CLSTN1: variants seen among roughly 807,000 people sequenced by gnomAD.
CLSTN1 encodes calsyntenin 1.
CLSTN1 carries 28 observed loss-of-function variants against 108.3 expected under a neutral mutation model. That is an observed-to-expected ratio of 0.26 (90% confidence interval 0.19 to 0.35). The LOEUF (loss-of-function observed/expected upper bound fraction) is 0.35, where lower values mean the gene tolerates loss of function less well. Ranked by LOEUF, CLSTN1 falls within the 10% of genes least tolerant of loss-of-function variation. The probability of loss-of-function intolerance (pLI) is 1.00; values close to 1 mark genes in which losing one functional copy is unlikely to be tolerated. For synonymous variants in CLSTN1, 524 were observed against 534.9 expected, an observed-to-expected ratio of 0.98 and a Z score of 0.28; for missense variants, 1,157 against 1,302.6, an observed-to-expected ratio of 0.89 and a Z score of 1.72.
In CLSTN1 at chr1:9,744,823, G is replaced by A. The variant is rs556079724; in HGVS notation, c.986-180C>T. 5.3e-5 allele frequency among the ~76,000 whole-genome samples: 8 copies of A among 151,998 alleles called. 1 individual carries two copies. The highest frequency in any genetic ancestry group is 4.8e-5 in the African/African-American group (2 of 41,464). On this transcript the variant is annotated intron_variant, in intron 7 of 18. Transcript: ENST00000377298. ...GGCTGGAGTACAGTGGCGCGATCTC[G>A]GTTCATTGCAACCTCCACCTCCCGG... is the stretch of plus-strand genomic sequence containing the variant.
At position 9,730,713 on chromosome 1, in the gene CLSTN1, G is replaced by A. The variant is rs768858132; in HGVS notation, c.2749-8C>T. ...GTGCTGGTCCTCATAGGTCTGGCAA[G>A]GAGAAGTGACGGCCACATGAGTCCG... On this transcript the variant is annotated splice_polypyrimidine_tract_variant and splice_region_variant and intron_variant, in intron 18 of 18. Transcript: ENST00000377298. The surrounding 1 kb of genome is among the most constrained non-coding windows in gnomAD (Gnocchi z 5.6). 1.3e-6 allele frequency: 2 copies of A among 1,591,882 alleles called. No homozygotes were observed. The highest frequency in any genetic ancestry group is 1.7e-6 in the Non-Finnish European group (2 of 1,172,120).
chr1:9,730,442 G>C lies in CLSTN1; in HGVS notation c.*66C>G. 3 of 1,458,810 alleles carry C rather than the reference G, an allele frequency of 2.1e-6. No individual in the cohort carries two copies. Among genetic ancestry groups the C allele is most frequent in the Non-Finnish European group, 2.8e-6 (3 of 1,054,078 alleles). The allele number at this position is 1,458,810 out of a possible 1,614,324, so 90.4% of individuals were successfully genotyped here. On this transcript the variant is annotated 3_prime_UTR_variant, in exon 19 of 19. Coordinates refer to ENST00000377298, the MANE Select transcript of CLSTN1 (RefSeq NM_001009566.3). This position sits in a 1 kb window ranked among gnomAD's most constrained non-coding sequence, Gnocchi z 5.6. ...ATGACTTTGTACATCGTGGACCCTTGGGACTGGGAGAACGGATGGCAGCAG... is the reference window on the plus strand; with the variant it reads ...ATGACTTTGTACATCGTGGACCCTTCGGACTGGGAGAACGGATGGCAGCAG...
At chr1:9,740,798 T>C (rs1183631113) in intron 10 of CLSTN1, among the ~76,000 whole-genome samples, 1 of 152,184 alleles carries the variant, frequency 6.6e-6, no homozygotes, top group African/African-American at 2.4e-5. Context: ...GATTAATTTA[T>C]AAAACAGTTC....
At position 9,754,985 on chromosome 1, in the gene CLSTN1, C is replaced by CAAGT. The variant is rs573371921; in HGVS notation, c.440+128_440+129insACTT. ...CAAGTGTTTACAATCTAATTGTAGA[C>CAAGT]ACTTGAGAACTATCTTCTGCCTATT... On this transcript the variant is annotated intron_variant, in intron 4 of 18. Coordinates refer to ENST00000377298, the MANE Select transcript of CLSTN1 (RefSeq NM_001009566.3). The CAAGT allele has an allele frequency of 7.5e-6, 5 of 670,098 alleles. No individual in the cohort carries two copies. The South Asian group carries it at 1.0e-4, about 14-fold the overall frequency. The allele number at this position is 670,098 out of a possible 1,614,324, so 41.5% of individuals were successfully genotyped here. A position where few individuals can be genotyped will look rare whatever the true frequency, so the allele number is the denominator to read the frequency against.
intron 1 of CLSTN1, among the ~76,000 whole-genome samples, chr1:9,811,707 C>G (rs1654761290): frequency 7.0e-6 from 1 of 142,888 alleles, no homozygotes; most frequent in Admixed American, 7.2e-5. Flanking sequence ...ACTTAGTACT[C>G]TGACAAATGC....
rs141671250 is a variant in CLSTN1, at chr1:9,749,346, A to G, written c.985+115T>C. 17 of 1,068,426 alleles carry G rather than the reference A, an allele frequency of 1.6e-5. 1 individual carries two copies. The African/African-American group carries it at 2.5e-4, about 16-fold the overall frequency. 66.2% of individuals were successfully genotyped at this position (1,068,426 alleles called of 1,614,324 possible). On this transcript the variant is annotated intron_variant, in intron 7 of 18. Transcript: ENST00000377298. ...AGCAAAGTTCACTTCAGAAATGCAG[A>G]TTCTCTGTCACAGTTTATAATTATG...
At chr1:9,777,246 G>T (rs886245516) in intron 1 of CLSTN1, among the ~76,000 whole-genome samples, 2 of 135,276 alleles carry the variant, frequency 1.5e-5, no homozygotes, top group African/African-American at 5.7e-5. Context: ...AAGCCTGGGA[G>T]TGGTGGCTCA....
intron 5 of CLSTN1, among the ~76,000 whole-genome samples, chr1:9,751,247 G>T (rs1292881206): frequency 1.3e-5 from 2 of 152,136 alleles, no homozygotes; most frequent in African/African-American, 2.4e-5. Flanking sequence ...AAAAAGAGGT[G>T]AGCCCCACAA....
chr1:9,730,455 C>T lies in CLSTN1; in HGVS notation c.*53G>A, dbSNP rs1002842741. 41 of 1,530,146 alleles carry T rather than the reference C, an allele frequency of 2.7e-5. No homozygotes were observed. Among genetic ancestry groups the T allele is most frequent in the South Asian group, 1.9e-4 (17 of 89,590 alleles). 94.8% of individuals were successfully genotyped at this position (1,530,146 alleles called of 1,614,324 possible). ...TCGTGGACCCTTGGGACTGGGAGAA[C>T]GGATGGCAGCAGAGTCTTCGAAAGC... On this transcript the variant is annotated 3_prime_UTR_variant, in exon 19 of 19. Transcript: ENST00000377298. This position sits in a 1 kb window ranked among gnomAD's most constrained non-coding sequence, Gnocchi z 5.6.
intron 7 of CLSTN1, among the ~76,000 whole-genome samples, chr1:9,748,934 T>C (rs577272087): frequency 6.6e-6 from 1 of 152,248 alleles, no homozygotes; most frequent in African/African-American, 2.4e-5. Context: ...AAACAGGGTC[T>C]CACTCTATTG....
Position 9,823,571 on chromosome 1 carries a change from C to A in CLSTN1, c.91+72G>T. 9.6e-7 allele frequency: 1 copy of A among 1,038,488 alleles called. No homozygotes were observed. Among genetic ancestry groups the A allele is most frequent in the Non-Finnish European group, 1.2e-6 (1 of 830,420 alleles). The allele number at this position is 1,038,488 out of a possible 1,614,324, so 64.3% of individuals were successfully genotyped here. On this transcript the variant is annotated intron_variant, in intron 1 of 18. Transcript: ENST00000377298. The surrounding 1 kb of genome is among the most constrained non-coding windows in gnomAD (Gnocchi z 6.3). ...CGCACCCGGACCCGAATCCCCGCAC[C>A]GGGACCCGAATCCTGCACCCGGACC...
At chr1:9,807,515 T>C (rs987738289) in intron 1 of CLSTN1, among the ~76,000 whole-genome samples, 1 of 152,246 alleles carries the variant, frequency 6.6e-6, no homozygotes, top group Non-Finnish European at 1.5e-5. Context: ...ATTTAGGAAC[T>C]TGGTAAATTC....
rs1193174777 is a variant in CLSTN1, at chr1:9,823,832, G to A, written c.-99C>T. ...AGGGGCCTGGGGCTAGCTGCTCCGCGGCGCGGGGAGCTCCGGGGGTCCAAG... is the reference window on the plus strand; with the variant it reads ...AGGGGCCTGGGGCTAGCTGCTCCGCAGCGCGGGGAGCTCCGGGGGTCCAAG... On this transcript the variant is annotated 5_prime_UTR_variant, in exon 1 of 19. Coordinates refer to ENST00000377298, the MANE Select transcript of CLSTN1 (RefSeq NM_001009566.3). The surrounding 1 kb of genome is among the most constrained non-coding windows in gnomAD (Gnocchi z 6.3). The A allele has an allele frequency of 5.8e-6, 3 of 513,018 alleles. No homozygotes were observed. The highest frequency in any genetic ancestry group is 2.1e-5 in the African/African-American group (1 of 47,996). 31.8% of individuals were successfully genotyped at this position (513,018 alleles called of 1,614,324 possible).
At chr1:9,735,443 C>G (rs779932839) in intron 13 of CLSTN1, 24 bp downstream of exon 13, 3 of 1,613,964 alleles carry the variant, frequency 1.9e-6, no homozygotes, top group Non-Finnish European at 2.5e-6. Flanking sequence ...CAAAACAGGC[C>G]GGCTGTTAAA....
intron 10 of CLSTN1, among the ~76,000 whole-genome samples, chr1:9,738,438 G>A (rs553500044): frequency 3.3e-5 from 5 of 152,324 alleles, no homozygotes; most frequent in African/African-American, 9.6e-5. Context: ...GGCAAGGCTA[G>A]AGGTGTATCC....
intron 2 of CLSTN1, among the ~76,000 whole-genome samples, chr1:9,758,207 G>C (rs1651910428): frequency 6.6e-6 from 1 of 152,142 alleles, no homozygotes. Context: ...TGGTCAGGCT[G>C]GTCTCGAACT....
intron 11 of CLSTN1, among the ~76,000 whole-genome samples, chr1:9,737,157 G>A (rs574347198): frequency 6.6e-6 from 1 of 152,136 alleles, no homozygotes; most frequent in South Asian, 2.1e-4. Flanking sequence ...TTCCTGTCTC[G>A]TGGTTCATCC....
chr1:9,792,907 G>T (rs1389246082), intron 1 of CLSTN1, among the ~76,000 whole-genome samples: 2 of 151,390 alleles, frequency 1.3e-5, no homozygotes, highest in Admixed American at 1.3e-4. Context: ...GAGTGAGAAG[G>T]GGGCAGGGGA....
At chr1:9,736,447 G>A (rs1650694662) in intron 11 of CLSTN1, among the ~76,000 whole-genome samples, 1 of 152,110 alleles carries the variant, frequency 6.6e-6, no homozygotes, top group Admixed American at 6.5e-5. Flanking sequence ...TACCTGGCAC[G>A]CCCTGGGGAA....
Sources: allele counts gnomAD v4.1 joint callset (sites outside exome capture counted in the v4.1 genomes callset), GRCh38; gene constraint gnomAD v4.1.1; non-coding constraint Gnocchi (gnomAD v3.1); transcripts MANE v1.5; gene names NCBI Gene and HGNC (gene_info 2026-07-23, HGNC 2026-07-21).